Variants in CDH4 observed in about 807,000 individuals in gnomAD.
The protein encoded by CDH4 is cadherin-4.
A neutral mutation model predicts 86.0 loss-of-function variants in CDH4; 33 were observed. The observed-to-expected ratio is 0.38, with a 90% CI of 0.29 to 0.51. CDH4 has a LOEUF of 0.51. CDH4 is among the 20% of genes least tolerant of loss of function. The pLI, the probability that CDH4 is intolerant of heterozygous loss-of-function variation, is 0.86. For synonymous variants in CDH4, 555 were observed against 549.4 expected (o/e 1.01, Z -0.14); for missense variants, 1,114 against 1,307.4 (o/e 0.85, Z 2.28).
intron 2 of CDH4, among the ~76,000 whole-genome samples, chr20:61,545,710 G>A (rs1298718190): frequency 1.3e-5 from 2 of 152,236 alleles, no homozygotes; most frequent in African/African-American, 4.8e-5. Flanking sequence ...CCAGCGGGCA[G>A]GAGGCAGCTT....
At chr20:61,273,822 G>T (rs1446236343) in intron 2 of CDH4, among the ~76,000 whole-genome samples, 1 of 149,856 alleles carries the variant, frequency 6.7e-6, no homozygotes, top group African/African-American at 2.5e-5. Flanking sequence ...CAGTTTGGGG[G>T]AGTACTATGT....
intron 2 of CDH4, among the ~76,000 whole-genome samples, chr20:61,296,999 CCCAGGACT>C (rs2084358610): frequency 6.6e-6 from 1 of 152,150 alleles, no homozygotes. Context: ...TGAGAGGGAC[CCCAGGACT>C]CCAGGACTTC....
At chr20:61,567,148 C>T (rs1035869578) in intron 2 of CDH4, among the ~76,000 whole-genome samples, 3 of 152,198 alleles carry the variant, frequency 2.0e-5, no homozygotes, top group African/African-American at 7.2e-5. Context: ...TTAAAAGTAG[C>T]ATGTTTCAAA....
chr20:61,303,705 G>C (rs116533131), intron 2 of CDH4, among the ~76,000 whole-genome samples: 49 of 152,334 alleles, frequency 3.2e-4, no homozygotes, highest in African/African-American at 1.2e-3. Context: ...CTTTTCAGGG[G>C]AGCAGGGAGG....
chr20:61,411,915 G>A (rs6061825), intron 2 of CDH4, among the ~76,000 whole-genome samples: 6,809 of 152,316 alleles, frequency 0.045, 469 homozygotes, highest in African/African-American at 0.16. Context: ...AGGGGACTGG[G>A]TGAGGCCAGA....
chr20:61,786,851 C>T lies in CDH4; in HGVS notation c.576+13669C>T, dbSNP rs550997607. 1.5e-4 allele frequency among the ~76,000 whole-genome samples: 23 copies of T among 152,356 alleles called. 1 individual carries two copies. In the South Asian group the frequency reaches 4.1e-3, roughly 27 times the overall value. On this transcript the variant is annotated intron_variant, in intron 4 of 15. Coordinates refer to ENST00000614565, the MANE Select transcript of CDH4 (RefSeq NM_001794.5). Reference sequence around the variant, plus strand: ...TGTGTCTGCCAGGCCAGCTCCAGGACTGCTGACCAGACATTGTCTAGGTGC... The same window carrying T: ...TGTGTCTGCCAGGCCAGCTCCAGGATTGCTGACCAGACATTGTCTAGGTGC...
At chr20:61,857,496 C>T (rs553998039) in intron 6 of CDH4, among the ~76,000 whole-genome samples, 12 of 152,348 alleles carry the variant, frequency 7.9e-5, no homozygotes, top group South Asian at 4.1e-4. Flanking sequence ...ACGGGAGGGC[C>T]GAGGATTTTT....
At chr20:61,444,645 G>A (rs1056534874) in intron 2 of CDH4, among the ~76,000 whole-genome samples, 37 of 120,566 alleles carry the variant, frequency 3.1e-4, no homozygotes, top group South Asian at 1.5e-3. Flanking sequence ...GTGTTTCTGC[G>A]TGTGTGTTTT....
intron 2 of CDH4, among the ~76,000 whole-genome samples, chr20:61,550,836 G>GGCA (rs1260898281): frequency 1.3e-5 from 2 of 152,196 alleles, no homozygotes; most frequent in African/African-American, 4.8e-5. Context: ...AGTACCCAGG[G>GGCA]GCAGGCAGGG....
intron 4 of CDH4, among the ~76,000 whole-genome samples, chr20:61,817,264 G>C (rs1980765410): frequency 6.6e-6 from 1 of 152,198 alleles, no homozygotes. Flanking sequence ...GCCCCCGAGT[G>C]AGTGCCCCTC....
chr20:61,721,192 G>A (rs1171145639), intron 2 of CDH4, among the ~76,000 whole-genome samples: 2 of 152,214 alleles, frequency 1.3e-5, no homozygotes, highest in Non-Finnish European at 1.5e-5. Context: ...GCAGCCAGAA[G>A]GGTCCAGTCC....
intron 4 of CDH4, among the ~76,000 whole-genome samples, chr20:61,836,600 C>T (rs1438442527): frequency 1.3e-5 from 2 of 152,164 alleles, no homozygotes; most frequent in South Asian, 2.1e-4. Context: ...AAAAGTATTT[C>T]GGAAAATGCA....
At chr20:61,615,909 C>T (rs1416055980) in intron 2 of CDH4, among the ~76,000 whole-genome samples, 3 of 152,214 alleles carry the variant, frequency 2.0e-5, no homozygotes, top group South Asian at 2.1e-4. Flanking sequence ...GGGTCAGCCT[C>T]GCTGCTGGCT....
chr20:61,795,132 G>GTGATGATGATGGTAGT (rs1568820237), intron 4 of CDH4, among the ~76,000 whole-genome samples: 1 of 133,420 alleles, frequency 7.5e-6, no homozygotes. Context: ...GGTGATGATG[G>GTGATGATGATGGTAGT]AAATGATGGT....
chr20:61,809,843 G>A (rs947852076), intron 4 of CDH4, among the ~76,000 whole-genome samples: 9 of 152,186 alleles, frequency 5.9e-5, no homozygotes, highest in Non-Finnish European at 8.8e-5. Flanking sequence ...GAGTGAGGAC[G>A]GTGAGGTCGG....
At position 61,506,188 on chromosome 20, in the gene CDH4, C is replaced by T. The variant is rs368538606; in HGVS notation, c.170-237375C>T. ...TTTCTCAAAATGACAAGTTAGGAAA[C>T]GTATGCATTCGGTGGAGAGTAAAGA... On this transcript the variant is annotated intron_variant, in intron 2 of 15. Coordinates refer to ENST00000614565, the MANE Select transcript of CDH4 (RefSeq NM_001794.5). Among the ~76,000 whole-genome samples the T allele has an allele frequency of 5.3e-5, 8 of 152,228 alleles. No individual in the cohort carries two copies. The East Asian group carries it at 9.6e-4, about 18-fold the overall frequency.
At chr20:61,680,493 G>T (rs2087499706) in intron 2 of CDH4, among the ~76,000 whole-genome samples, 1 of 152,180 alleles carries the variant, frequency 6.6e-6, no homozygotes, top group Admixed American at 6.5e-5. Context: ...CACTGTGACA[G>T]AACAGTCAAG....
chr20:61,857,889 G>A (rs1214561353), intron 6 of CDH4, among the ~76,000 whole-genome samples: 1 of 152,030 alleles, frequency 6.6e-6, no homozygotes, highest in Non-Finnish European at 1.5e-5. Context: ...GTGTCTGTGT[G>A]TGTGTGTGTC....
At chr20:61,696,964 G>C (rs2087720919) in intron 2 of CDH4, among the ~76,000 whole-genome samples, 1 of 152,186 alleles carries the variant, frequency 6.6e-6, no homozygotes, top group South Asian at 2.1e-4. Flanking sequence ...GGCCGAGACT[G>C]GACTAATGCA....
Sources: allele counts gnomAD v4.1 joint callset (sites outside exome capture counted in the v4.1 genomes callset), GRCh38; gene constraint gnomAD v4.1.1; transcripts MANE v1.5; gene names NCBI Gene and HGNC (gene_info 2026-07-23, HGNC 2026-07-21).